Variants in XAB2 observed in about 807,000 individuals in gnomAD.
The protein encoded by XAB2 is XPA binding protein 2.
XAB2 carries 57 observed loss-of-function variants against 113.4 expected under a neutral mutation model. The observed-to-expected ratio is 0.50, with a 90% CI of 0.41 to 0.63. The LOEUF is 0.63. XAB2 is among the 20% of genes least tolerant of loss of function. The pLI, the probability that XAB2 is intolerant of heterozygous loss-of-function variation, is 0.00. For synonymous variants in XAB2, 497 were observed against 498.8 expected (o/e 1.00, Z 0.05); for missense variants, 1,037 against 1,233.3 (o/e 0.84, Z 2.38).
chr19:7,625,724 C>T lies in XAB2; in HGVS notation c.822+156G>A, dbSNP rs902785157. ...GAACTGCTGACCTCAAGTGATCCTACCGCCTCGGCCTCCCAAAGTGCTGGG... is the reference window on the plus strand; with the variant it reads ...GAACTGCTGACCTCAAGTGATCCTATCGCCTCGGCCTCCCAAAGTGCTGGG... On this transcript the variant is annotated intron_variant, in intron 6 of 18. Transcript: ENST00000358368. This position sits in a 1 kb window ranked among gnomAD's most constrained non-coding sequence, Gnocchi z 5.2. Among the ~76,000 whole-genome samples the T allele has an allele frequency of 2.0e-5, 3 of 152,154 alleles. No homozygotes were observed. Among genetic ancestry groups the T allele is most frequent in the Admixed American group, 2.0e-4 (3 of 15,278 alleles).
At position 7,629,486 on chromosome 19, in the gene XAB2, G is replaced by C; in HGVS notation, c.42C>G (p.Asp14Glu). Reference sequence around the variant, plus strand: ...TCCTCTGTGGACTCACGAAGACAAGGTCCGGCCGCTCGGGCCGCGAGAGTC... The same window carrying C: ...TCCTCTGTGGACTCACGAAGACAAGCTCCGGCCGCTCGGGCCGCGAGAGTC... The part of the protein sequence containing the change: ...MARLSRPERP[D>E]LVFEEEDLPY... Residue 14 changes from aspartate to glutamate, a missense_variant, in exon 1 of 19, where the codon GAC (aspartate) becomes GAG (glutamate). Asp to Glu is a conservative substitution (Grantham distance 45). Transcript: ENST00000358368. 6.2e-7 allele frequency: 1 copy of C among 1,601,706 alleles called. No homozygotes were observed. Among genetic ancestry groups the C allele is most frequent in the Non-Finnish European group, 8.5e-7 (1 of 1,174,510 alleles).
rs4134834 is a variant in XAB2, at chr19:7,626,280, G to A, written c.523-10C>T. 375 of 1,604,964 alleles carry A rather than the reference G, an allele frequency of 2.3e-4. 1 individual carries two copies. In the African/African-American group the frequency reaches 4.5e-3, roughly 19 times the overall value. The stretch of plus-strand genomic sequence containing the variant: ...CACTCTCAGGACTCAGCTGGGGACC[G>A]AGCCACCCCTCAGGCAGTCAGTGGG... On this transcript the variant is annotated splice_polypyrimidine_tract_variant and intron_variant, in intron 4 of 18. Coordinates refer to ENST00000358368, the MANE Select transcript of XAB2 (RefSeq NM_020196.3).
chr19:7,621,193 C>T lies in XAB2; in HGVS notation c.1722G>A (p.Glu574=). ...CCTGTTCAAACAGGTCCCGTGCCCG[C>T]TCCAGCTTGCGGCCCCCATAGCGGG... is the stretch of plus-strand genomic sequence containing the variant. ...FIARYGGRKL[E]RARDLFEQAL... is the part of the protein sequence containing the mutation. The change falls in exon 13 of 19, where the codon GAG becomes GAA. Residue 574 remains glutamate (E), a synonymous_variant. Transcript: ENST00000358368. The T allele has an allele frequency of 1.2e-6, 2 of 1,613,098 alleles. No individual in the cohort carries two copies. The highest frequency in any genetic ancestry group is 1.7e-6 in the Non-Finnish European group (2 of 1,179,960).
Position 7,622,654 on chromosome 19 carries a change from G to C in XAB2, c.1379C>G (p.Thr460Arg). 1 of 1,611,460 alleles carries C rather than the reference G, an allele frequency of 6.2e-7. No individual in the cohort carries two copies. ...DEALRLLRKA[T>R]ALPARRAEYF... ...CTCGGCCCGGCGGGCAGGCAGCGCC[G>C]TGGCCTTCTGCAGGGGCAGACAGTG... Residue 460 changes from threonine (T) to arginine (R), a missense_variant, in exon 11 of 19, where the codon ACG becomes AGG. Physicochemically the swap from Thr to Arg is moderately conservative, Grantham distance 71. Transcript: ENST00000358368.
chr19:7,620,525 C>T, intron 15 of XAB2, 22 bp downstream of exon 15: 1 of 1,613,054 alleles, frequency 6.2e-7, no homozygotes, highest in South Asian at 1.1e-5. Context: ...ACCCTGATAC[C>T]CGTCCCTCCC....
rs1202454082 is a variant in XAB2 at position 7,622,356 on chromosome 19, T to C, written c.1592A>G (p.His531Arg). ...VINYAMFLEE[H>R]KYFEESFKAY... ...CTTGAAGCTCTCCTCGAAGTACTTG[T>C]GCTCCTCCAGGAACATGGCATAGTT... The change falls in exon 12 of 19, where the codon CAC becomes CGC. Residue 531 changes from histidine (H) to arginine (R), a missense_variant. Coordinates refer to ENST00000358368, the MANE Select transcript of XAB2 (RefSeq NM_020196.3). 6.2e-7 allele frequency: 1 copy of C among 1,614,158 alleles called. No homozygotes were observed. The highest frequency in any genetic ancestry group is 8.5e-7 in the Non-Finnish European group (1 of 1,180,026).
In XAB2 at chr19:7,628,208, C is replaced by A. The variant is rs199640570; in HGVS notation, c.142G>T (p.Ala48Ser). 1.3e-5 allele frequency: 21 copies of A among 1,614,076 alleles called. No individual in the cohort carries two copies. In the East Asian group the frequency reaches 4.5e-4, roughly 34 times the overall value. ...AGCTGATTGAGCCTGGGCTTCGGGG[C>A]GCCCTGTTTGAACTCGATGTAGCGA... ...WLRYIEFKQG[A>S]PKPRLNQLYE... Residue 48 changes from alanine to serine, a missense_variant, in exon 2 of 19, where the codon GCC (alanine) becomes TCC (serine). Transcript: ENST00000358368. The surrounding 1 kb of genome is among the most constrained non-coding windows in gnomAD (Gnocchi z 4.6).
rs372384169 is a variant in XAB2, at chr19:7,625,726, G to A, written c.822+154C>T. ...ACTGCTGACCTCAAGTGATCCTACCGCCTCGGCCTCCCAAAGTGCTGGGAT... is the reference window on the plus strand; with the variant it reads ...ACTGCTGACCTCAAGTGATCCTACCACCTCGGCCTCCCAAAGTGCTGGGAT... On this transcript the variant is annotated intron_variant, in intron 6 of 18. Coordinates refer to ENST00000358368, the MANE Select transcript of XAB2 (RefSeq NM_020196.3). The surrounding 1 kb of genome is among the most constrained non-coding windows in gnomAD (Gnocchi z 5.2). 2.0e-5 allele frequency among the ~76,000 whole-genome samples: 3 copies of A among 152,042 alleles called. No homozygotes were observed. Among genetic ancestry groups the A allele is most frequent in the East Asian group, 1.9e-4 (1 of 5,168 alleles).
Position 7,623,095 on chromosome 19 carries a change from C to A in XAB2, c.1239+75G>T. On this transcript the variant is annotated intron_variant, in intron 9 of 18. Transcript: ENST00000358368. This position sits in a 1 kb window ranked among gnomAD's most constrained non-coding sequence, Gnocchi z 4.6. The stretch of plus-strand genomic sequence containing the variant: ...GCACACATCCATGCACAAATATGTA[C>A]ACACACATACATGCACACATATACA... 1 of 1,589,650 alleles carries A rather than the reference C, an allele frequency of 6.3e-7. No homozygotes were observed. Among genetic ancestry groups the A allele is most frequent in the Non-Finnish European group, 8.6e-7 (1 of 1,167,344 alleles).
intron 16 of XAB2, 67 bp from the exon 17 acceptor site, chr19:7,620,142 C>T: frequency 1.3e-6 from 2 of 1,594,614 alleles, no homozygotes; most frequent in East Asian, 2.2e-5. Flanking sequence ...TTGCACTATC[C>T]CAGTCCCCCA....
At position 7,623,222 on chromosome 19, in the gene XAB2, G is replaced by C. The variant is rs1233940326; in HGVS notation, c.1187C>G (p.Thr396Ser). 1.9e-6 allele frequency: 3 copies of C among 1,613,784 alleles called. No individual in the cohort carries two copies. The African/African-American group carries it at 4.0e-5, about 22-fold the overall frequency. ...DPFKATGKPH[T>S]LWVAFAKFYE... ...AAACTTGGCAAACGCCACCCACAGA[G>C]TGTGGGGCTTGCCTGTGGCCTTGAA... The change falls in exon 9 of 19, where the codon ACT (threonine) becomes AGT (serine). Residue 396 changes from threonine to serine, a missense_variant. By Grantham distance (58) the Thr-to-Ser change is moderately conservative (BLOSUM62 1). Coordinates refer to ENST00000358368, the MANE Select transcript of XAB2 (RefSeq NM_020196.3). The surrounding 1 kb of genome is among the most constrained non-coding windows in gnomAD (Gnocchi z 4.6).
chr19:7,620,715 C>A (rs779018519), intron 14 of XAB2, 46 bp from the exon 15 acceptor site: 1 of 1,605,822 alleles, frequency 6.2e-7, no homozygotes, highest in Non-Finnish European at 8.5e-7. Flanking sequence ...CGGGGTAGCT[C>A]GGGGGCTCCC....
chr19:7,621,744 T>G, intron 12 of XAB2: 1 of 187,684 alleles, frequency 5.3e-6, no homozygotes, highest in East Asian at 1.4e-4. Flanking sequence ...CCGCGGGACA[T>G]GGCCTTCCCA....
At chr19:7,626,291 C>T (rs2031139558) in intron 4 of XAB2, 21 bp from the exon 5 acceptor site, 1 of 1,599,066 alleles carries the variant, frequency 6.3e-7, no homozygotes, top group South Asian at 1.1e-5. Context: ...AGCCACCCCT[C>T]AGGCAGTCAG....
At chr19:7,620,797 C>T (rs368116580) in intron 14 of XAB2, 49 bp downstream of exon 14, 11 of 1,563,862 alleles carry the variant, frequency 7.0e-6, no homozygotes, top group Middle Eastern at 1.7e-4. Context: ...GGACCCCTTC[C>T]GTCTGCTCAG....
At position 7,625,005 on chromosome 19, in the gene XAB2, G is replaced by A. The variant is rs977231646; in HGVS notation, c.823-560C>T. Among the ~76,000 whole-genome samples the A allele has an allele frequency of 3.3e-5, 5 of 152,220 alleles. No homozygotes were observed. The highest frequency in any genetic ancestry group is 1.3e-4 in the Admixed American group (2 of 15,284). Reference sequence around the variant, plus strand: ...GCCCCTGGAAGGGGCGCTGCGAAGCGCATACCGCCCACACCCCACTGGCGG... The same window carrying A: ...GCCCCTGGAAGGGGCGCTGCGAAGCACATACCGCCCACACCCCACTGGCGG... On this transcript the variant is annotated intron_variant, in intron 6 of 18. Transcript: ENST00000358368. This position sits in a 1 kb window ranked among gnomAD's most constrained non-coding sequence, Gnocchi z 5.2.
Position 7,620,777 on chromosome 19 carries a change from C to T in XAB2, c.1971+69G>A. 5.7e-6 allele frequency: 9 copies of T among 1,569,926 alleles called. No individual in the cohort carries two copies. The South Asian group carries it at 7.1e-5, about 12-fold the overall frequency. ...CCAGAAGGCTCCTCCTCAGCCCCTC[C>T]CACCTGCCTGGACCCCTTCCGTCTG... On this transcript the variant is annotated intron_variant, in intron 14 of 18. Coordinates refer to ENST00000358368, the MANE Select transcript of XAB2 (RefSeq NM_020196.3).
At chr19:7,626,372 T>C in intron 4 of XAB2, 102 bp from the exon 5 acceptor site, 1 of 1,508,792 alleles carries the variant, frequency 6.6e-7, no homozygotes. Context: ...CATTTATGAG[T>C]GTCTTGGGCA....
Position 7,625,801 on chromosome 19 carries a change from G to A in XAB2, c.822+79C>T. On this transcript the variant is annotated intron_variant, in intron 6 of 18. Transcript: ENST00000358368. The surrounding 1 kb of genome is among the most constrained non-coding windows in gnomAD (Gnocchi z 5.2). Reference sequence around the variant, plus strand: ...GCCATAAATGGCATGTTTTCTGCCTGTGCATGTGTCAACATGTGTCCCCGA... The same window carrying A: ...GCCATAAATGGCATGTTTTCTGCCTATGCATGTGTCAACATGTGTCCCCGA... The A allele has an allele frequency of 2.6e-6, 4 of 1,516,774 alleles. No homozygotes were observed. The highest frequency in any genetic ancestry group is 3.6e-6 in the Non-Finnish European group (4 of 1,126,564). The allele number at this position is 1,516,774 out of a possible 1,614,324, so 94.0% of individuals were successfully genotyped here. A position where few individuals can be genotyped will look rare whatever the true frequency, so the allele number is the denominator to read the frequency against.
Sources: gnomAD v4.1 joint callset for allele counts (sites outside exome capture counted in the v4.1 genomes callset) on GRCh38, gnomAD v4.1.1 for gene constraint, Gnocchi (gnomAD v3.1) non-coding constraint, MANE v1.5 for transcripts, NCBI Gene and HGNC (gene_info 2026-07-23, HGNC 2026-07-21) for gene names.